The following IQCB1 variants were observed in gnomAD, a reference collection of about 807,000 sequenced individuals.
The protein encoded by IQCB1 is IQ calmodulin-binding motif-containing protein 1.
Under a neutral mutation model 84.4 loss-of-function variants are expected in IQCB1, and 56 were observed. The ratio of observed to expected loss-of-function variants is 0.66; its 90% confidence interval spans 0.54 to 0.83. IQCB1 has a LOEUF of 0.83. Among genes scored for constraint, IQCB1 ranks in the 40% least tolerant of loss-of-function variants. The pLI is 0.00. For synonymous variants in IQCB1, 210 were observed against 234.8 expected (o/e 0.89, Z 0.96); for missense variants, 629 against 682.1 (o/e 0.92, Z 0.87).
At chr3:121,778,886 C>T (rs139920621) in intron 13 of IQCB1, among the ~76,000 whole-genome samples, 1,821 of 141,546 alleles carry the variant, frequency 0.013, 43 homozygotes, top group African/African-American at 0.045. Flanking sequence ...GTGACAACAG[C>T]GAAACTCTGT....
chr3:121,770,850 C>CT (rs1014155187), intron 14 of IQCB1, among the ~76,000 whole-genome samples: 1 of 151,960 alleles, frequency 6.6e-6, no homozygotes, highest in Non-Finnish European at 1.5e-5. Flanking sequence ...AATGTTTTTT[C>CT]TTTTTTTGTA....
intron 7 of IQCB1, among the ~76,000 whole-genome samples, chr3:121,806,878 C>A (rs1441380508): frequency 6.6e-6 from 1 of 151,974 alleles, no homozygotes; most frequent in African/African-American, 2.4e-5. Context: ...GTATACTCTG[C>A]CCTTCCATGT....
intron 12 of IQCB1, 87 bp downstream of exon 12, chr3:121,788,197 G>T: frequency 7.7e-7 from 1 of 1,304,250 alleles, no homozygotes; most frequent in Non-Finnish European, 1.1e-6. Flanking sequence ...CTTGACCAAG[G>T]CTTTACAACA....
chr3:121,825,061 C>CCTTTTT (rs1553721685), intron 5 of IQCB1, among the ~76,000 whole-genome samples: 1 of 83,776 alleles, frequency 1.2e-5, no homozygotes, highest in Non-Finnish European at 2.4e-5. Flanking sequence ...TTTTTCTTTT[C>CCTTTTT]TTTTTTTTTT....
intron 12 of IQCB1, among the ~76,000 whole-genome samples, chr3:121,786,177 A>AAAG (rs1948717692): frequency 7.3e-6 from 1 of 136,842 alleles, no homozygotes; most frequent in African/African-American, 2.8e-5. Context: ...TCTCAAAAGA[A>AAAG]AAGAAAAGAA....
At chr3:121,801,954 T>G (rs1263143314) in intron 7 of IQCB1, among the ~76,000 whole-genome samples, 3 of 151,884 alleles carry the variant, frequency 2.0e-5, no homozygotes, top group African/African-American at 7.2e-5. Context: ...CTTCAGAATA[T>G]TAAACCAGCC....
At chr3:121,812,453 GT>G (rs1949866543) in intron 5 of IQCB1, among the ~76,000 whole-genome samples, 1 of 152,192 alleles carries the variant, frequency 6.6e-6, no homozygotes, top group South Asian at 2.1e-4. Flanking sequence ...GCTTCGGAAG[GT>G]GGGTAATAAC....
chr3:121,775,759 C>T (rs1040287460), intron 13 of IQCB1, among the ~76,000 whole-genome samples: 3 of 151,964 alleles, frequency 2.0e-5, no homozygotes, highest in Admixed American at 2.0e-4. Flanking sequence ...GCTTTATTGA[C>T]GTAAAAATAA....
chr3:121,772,186 A>T (rs1948025652), intron 14 of IQCB1, among the ~76,000 whole-genome samples: 1 of 152,074 alleles, frequency 6.6e-6, no homozygotes, highest in South Asian at 2.1e-4. Flanking sequence ...AATAATAATA[A>T]AAAAAAATTT....
intron 5 of IQCB1, among the ~76,000 whole-genome samples, chr3:121,822,286 T>C (rs1950301891): frequency 6.6e-6 from 1 of 152,208 alleles, no homozygotes; most frequent in Non-Finnish European, 1.5e-5. Context: ...TCTCCATATA[T>C]CTTCTATTGG....
rs557540451 is a variant in IQCB1, at chr3:121,799,810, G to A, written c.588-436C>T. On this transcript the variant is annotated intron_variant, in intron 7 of 14. Coordinates refer to ENST00000310864, the MANE Select transcript of IQCB1 (RefSeq NM_001023570.4). ...GAATTCTATCATGTGCTTAATATAG[G>A]AGAAACTTAAAATCTTTCCTTGGTA... 7.9e-5 allele frequency among the ~76,000 whole-genome samples: 12 copies of A among 151,914 alleles called. No individual in the cohort carries two copies. The South Asian group carries it at 1.9e-3, about 24-fold the overall frequency.
intron 12 of IQCB1, among the ~76,000 whole-genome samples, chr3:121,785,018 C>A (rs11716027): frequency 0.64 from 97,831 of 151,946 alleles, 31,969 homozygotes; most frequent in African/African-American, 0.71. Context: ...TGCTTGCATC[C>A]TTCTGTTGAG....
At chr3:121,820,672 G>A (rs903622033) in intron 5 of IQCB1, among the ~76,000 whole-genome samples, 4 of 152,016 alleles carry the variant, frequency 2.6e-5, no homozygotes, top group African/African-American at 9.7e-5. Context: ...TTAAACATCT[G>A]TAGGGCCTTG....
chr3:121,784,898 T>G (rs1426777617), intron 12 of IQCB1, among the ~76,000 whole-genome samples: 1 of 152,114 alleles, frequency 6.6e-6, no homozygotes. Flanking sequence ...GGTCTCAAAC[T>G]CCTGAGCTCA....
At chr3:121,808,372 C>G (rs1392829651) in intron 6 of IQCB1, among the ~76,000 whole-genome samples, 1 of 151,864 alleles carries the variant, frequency 6.6e-6, no homozygotes, top group African/African-American at 2.4e-5. Flanking sequence ...CTAGGGAGAG[C>G]ACCATGAATG....
intron 8 of IQCB1, among the ~76,000 whole-genome samples, chr3:121,798,533 C>G (rs569610711): frequency 6.6e-6 from 1 of 151,820 alleles, no homozygotes. Context: ...ATTACCATGT[C>G]TCTGTTTCTA....
At chr3:121,797,024 C>A in intron 9 of IQCB1, 94 bp downstream of exon 9, 1 of 779,290 alleles carries the variant, frequency 1.3e-6, no homozygotes, top group East Asian at 2.5e-5. Context: ...TGCTTGAAAT[C>A]TTAAGAGAAA....
chr3:121,805,711 TG>T (rs1949577744), intron 7 of IQCB1, among the ~76,000 whole-genome samples: 2 of 152,316 alleles, frequency 1.3e-5, no homozygotes, highest in African/African-American at 4.8e-5. Flanking sequence ...TCTGGCCCTG[TG>T]TGAGCTCCTT....
chr3:121,784,921 G>A (rs772539715), intron 12 of IQCB1, among the ~76,000 whole-genome samples: 4 of 152,012 alleles, frequency 2.6e-5, no homozygotes, highest in East Asian at 1.9e-4. Flanking sequence ...TGATCCTCCC[G>A]CCTCAGCCTC....
Sources: allele counts gnomAD v4.1 joint callset (sites outside exome capture counted in the v4.1 genomes callset), GRCh38; gene constraint gnomAD v4.1.1; transcripts MANE v1.5; gene names NCBI Gene and HGNC (gene_info 2026-07-23, HGNC 2026-07-21).